MRPL13: variants seen among roughly 807,000 people sequenced by gnomAD.
The protein encoded by MRPL13 is large ribosomal subunit protein uL13m.
MRPL13 carries 33 observed loss-of-function variants against 29.0 expected under a neutral mutation model. That is an observed-to-expected ratio of 1.14 (90% CI 0.86 to 1.52). MRPL13 has a LOEUF of 1.52. Among genes scored for constraint, MRPL13 ranks in the 40% most tolerant of loss-of-function variants. The pLI, the probability that MRPL13 is intolerant of heterozygous loss-of-function variation, is 0.00. For synonymous variants in MRPL13, 77 were observed against 68.4 expected (o/e 1.13, Z -0.62); for missense variants, 227 against 216.7 (o/e 1.05, Z -0.30).
intron 6 of MRPL13, among the ~76,000 whole-genome samples, chr8:120,403,937 A>C (rs1245556782): frequency 1.3e-5 from 2 of 152,210 alleles, no homozygotes; most frequent in Non-Finnish European, 2.9e-5. Flanking sequence ...ATGCTTTGCC[A>C]TATCAGCCAT....
At chr8:120,408,957 T>G (rs1025638328) in intron 6 of MRPL13, among the ~76,000 whole-genome samples, 12 of 152,180 alleles carry the variant, frequency 7.9e-5, no homozygotes, top group African/African-American at 2.9e-4. Context: ...CAGAGCTGAA[T>G]GGATCACATA....
At chr8:120,404,521 A>G (rs1342422384) in intron 6 of MRPL13, among the ~76,000 whole-genome samples, 3 of 152,154 alleles carry the variant, frequency 2.0e-5, no homozygotes, top group East Asian at 1.9e-4. Context: ...GCTCTTCACA[A>G]CAATTCCTTT....
chr8:120,400,697 AAAAT>A (rs199590776), intron 6 of MRPL13, among the ~76,000 whole-genome samples: 69,569 of 131,580 alleles, frequency 0.53, 19,352 homozygotes, highest in East Asian at 0.7. Flanking sequence ...GGTTTTTTGG[AAAAT>A]AAATAAATAA....
At chr8:120,429,296 A>G (rs183996984) in intron 3 of MRPL13, among the ~76,000 whole-genome samples, 2 of 152,184 alleles carry the variant, frequency 1.3e-5, no homozygotes, top group East Asian at 1.9e-4. Flanking sequence ...AAGCTCAATG[A>G]TGAAAACACA....
chr8:120,410,585 A>G (rs1244838239), intron 6 of MRPL13, among the ~76,000 whole-genome samples: 1 of 152,208 alleles, frequency 6.6e-6, no homozygotes, highest in Non-Finnish European at 1.5e-5. Context: ...GACACTAGCC[A>G]TATGAAGGTA....
intron 2 of MRPL13, among the ~76,000 whole-genome samples, chr8:120,442,659 T>C (rs1021535642): frequency 3.3e-5 from 5 of 152,148 alleles, no homozygotes; most frequent in African/African-American, 9.7e-5. Flanking sequence ...TCAAAAACTA[T>C]CTGTAAGCAG....
At chr8:120,425,618 G>A (rs559864562) in intron 3 of MRPL13, among the ~76,000 whole-genome samples, 3 of 152,096 alleles carry the variant, frequency 2.0e-5, no homozygotes, top group Admixed American at 6.5e-5. Context: ...TATCTGAATT[G>A]TAAGTTATTA....
rs191774227 is a variant in MRPL13, at chr8:120,413,783, G to A, written c.515+208C>T. Among the ~76,000 whole-genome samples the A allele has an allele frequency of 2.3e-4, 35 of 152,090 alleles. No individual in the cohort carries two copies. The East Asian group carries it at 6.4e-3, about 28-fold the overall frequency. On this transcript the variant is annotated intron_variant, in intron 6 of 6. Transcript: ENST00000306185. ...ATTATAGGAACCTATGAACATCCTC[G>A]CACTTATCTAGCAAGGTCTTAATGC...
intron 6 of MRPL13, among the ~76,000 whole-genome samples, chr8:120,409,503 T>C (rs1812717425): frequency 6.6e-6 from 1 of 152,178 alleles, no homozygotes; most frequent in African/African-American, 2.4e-5. Context: ...TTGACCATTT[T>C]AAAGCTACAA....
intron 5 of MRPL13, chr8:120,416,084 C>A (rs1296191727): frequency 6.6e-6 from 1 of 152,134 alleles, no homozygotes; most frequent in Non-Finnish European, 1.5e-5. Flanking sequence ...AATGAGGAAT[C>A]AAAGTTTTTG....
At chr8:120,434,500 C>T (rs1379030343) in intron 2 of MRPL13, among the ~76,000 whole-genome samples, 1 of 152,052 alleles carries the variant, frequency 6.6e-6, no homozygotes, top group East Asian at 1.9e-4. Flanking sequence ...GTTTCAAATA[C>T]AACTCCAGTA....
chr8:120,413,959 G>GAAA, intron 6 of MRPL13, 32 bp downstream of exon 6: 1 of 1,435,102 alleles, frequency 7.0e-7, no homozygotes, highest in South Asian at 1.6e-5. Flanking sequence ...GATATCAAAA[G>GAAA]AAAAAAAAAC....
In MRPL13 at chr8:120,406,968, T is replaced by C. The variant is rs369917140; in HGVS notation, c.515+7023A>G. Among the ~76,000 whole-genome samples, 8 of 152,358 alleles carry C rather than the reference T, an allele frequency of 5.3e-5. No homozygotes were observed. In the South Asian group the frequency reaches 6.2e-4, roughly 12 times the overall value. On this transcript the variant is annotated intron_variant, in intron 6 of 6. Transcript: ENST00000306185. ...ACTTTAAAAAGCCTCATCTGAGTTG[T>C]AGAAAATATTCTCTGGTGCTTGTGA...
chr8:120,420,098 CTT>C (rs763636985), intron 4 of MRPL13, among the ~76,000 whole-genome samples, 160 bp from the exon 5 acceptor site: 1 of 151,812 alleles, frequency 6.6e-6, no homozygotes, highest in East Asian at 1.9e-4. Flanking sequence ...AGAAAAGAAA[CTT>C]TTATTACTTT....
intron 2 of MRPL13, among the ~76,000 whole-genome samples, chr8:120,442,202 G>A (rs537596994): frequency 4.6e-5 from 7 of 152,130 alleles, no homozygotes; most frequent in Non-Finnish European, 8.8e-5. Context: ...TAAAAAGAAC[G>A]AACATATCAA....
intron 2 of MRPL13, among the ~76,000 whole-genome samples, chr8:120,435,846 T>C (rs766937006): frequency 6.6e-6 from 1 of 152,154 alleles, no homozygotes; most frequent in Non-Finnish European, 1.5e-5. Context: ...GGTATCTCAT[T>C]GTGGTTTTGA....
chr8:120,407,507 G>A (rs1349542803), intron 6 of MRPL13, among the ~76,000 whole-genome samples: 2 of 151,914 alleles, frequency 1.3e-5, no homozygotes, highest in East Asian at 1.9e-4. Context: ...TTAGCTGGGC[G>A]TGGTGGCGGG....
chr8:120,440,638 T>C (rs1191779480), intron 2 of MRPL13, among the ~76,000 whole-genome samples: 1 of 145,556 alleles, frequency 6.9e-6, no homozygotes, highest in Non-Finnish European at 1.5e-5. Context: ...AAGGCAAAAA[T>C]GTGCTCGGCA....
chr8:120,408,019 C>A (rs1440762403), intron 6 of MRPL13, among the ~76,000 whole-genome samples: 1 of 152,164 alleles, frequency 6.6e-6, no homozygotes, highest in Non-Finnish European at 1.5e-5. Context: ...AATCTGGTGA[C>A]ATCACATATT....
Sources: allele counts gnomAD v4.1 joint callset (sites outside exome capture counted in the v4.1 genomes callset), GRCh38; gene constraint gnomAD v4.1.1; transcripts MANE v1.5; gene names NCBI Gene and HGNC (gene_info 2026-07-23, HGNC 2026-07-21).